The following SCFD2 variants were observed in gnomAD, a reference collection of about 807,000 sequenced individuals.
SCFD2 encodes the protein sec1 family domain-containing protein 2.
SCFD2 carries 54 observed loss-of-function variants against 58.9 expected under a neutral mutation model. The ratio of observed to expected loss-of-function variants is 0.92; its 90% CI spans 0.74 to 1.15. The LOEUF (loss-of-function observed/expected upper bound fraction) is 1.15. Among genes scored for constraint, SCFD2 ranks in the 50% most tolerant of loss-of-function variants. SCFD2 has a pLI of 0.00. For missense variants in SCFD2, 805 were observed against 836.6 expected, an observed-to-expected ratio of 0.96 and a Z score of 0.47; for synonymous variants, 321 against 335.9, an observed-to-expected ratio of 0.96 and a Z score of 0.49.
chr4:53,161,257 A>G (rs562800976), intron 4 of SCFD2, among the ~76,000 whole-genome samples: 1 of 152,182 alleles, frequency 6.6e-6, no homozygotes, highest in Non-Finnish European at 1.5e-5. Context: ...GTGAAAATTC[A>G]TTGAGCTGTA....
chr4:53,004,167 A>G (rs1721922021), intron 5 of SCFD2, among the ~76,000 whole-genome samples: 1 of 152,200 alleles, frequency 6.6e-6, no homozygotes, highest in African/African-American at 2.4e-5. Flanking sequence ...GAACATGCAC[A>G]CGATATGTGG....
At chr4:52,910,738 G>A (rs1378713324) in intron 6 of SCFD2, among the ~76,000 whole-genome samples, 1 of 152,156 alleles carries the variant, frequency 6.6e-6, no homozygotes, top group African/African-American at 2.4e-5. Context: ...TGCAGCAGGA[G>A]GGACCTGGTG....
intron 4 of SCFD2, among the ~76,000 whole-genome samples, chr4:53,238,644 C>G (rs972166065): frequency 2.7e-5 from 4 of 149,816 alleles, no homozygotes; most frequent in African/African-American, 7.4e-5. Flanking sequence ...GCTTCTCAGA[C>G]GGGGTGGCCG....
intron 2 of SCFD2, among the ~76,000 whole-genome samples, chr4:53,351,390 C>T (rs1734215963): frequency 1.3e-5 from 2 of 152,182 alleles, no homozygotes; most frequent in Admixed American, 6.5e-5. Flanking sequence ...ACTACATTAA[C>T]CTGATACTTG....
chr4:53,239,383 G>C (rs1411997052), intron 4 of SCFD2, among the ~76,000 whole-genome samples: 1 of 144,010 alleles, frequency 6.9e-6, no homozygotes, highest in Non-Finnish European at 1.5e-5. Flanking sequence ...GGGAGAGGGA[G>C]ACCGTGGGGA....
chr4:53,075,928 C>G (rs1723959359), intron 5 of SCFD2, among the ~76,000 whole-genome samples: 1 of 152,154 alleles, frequency 6.6e-6, no homozygotes, highest in African/African-American at 2.4e-5. Flanking sequence ...TTGCTAGACA[C>G]AGGGTTGCCA....
chr4:53,186,310 C>A (rs746386863), intron 4 of SCFD2, among the ~76,000 whole-genome samples: 2 of 151,986 alleles, frequency 1.3e-5, no homozygotes, highest in African/African-American at 4.8e-5. Context: ...GTATCTCTTA[C>A]GGGACTTACC....
At chr4:53,233,233 C>G (rs988849317) in intron 4 of SCFD2, among the ~76,000 whole-genome samples, 17 of 152,166 alleles carry the variant, frequency 1.1e-4, no homozygotes, top group Non-Finnish European at 2.4e-4. Context: ...AAAAAAAATC[C>G]TAGCACCACT....
At chr4:52,965,782 C>T (rs563816803) in intron 5 of SCFD2, among the ~76,000 whole-genome samples, 1 of 152,318 alleles carries the variant, frequency 6.6e-6, no homozygotes, top group South Asian at 2.1e-4. Flanking sequence ...ATAGAAGGAG[C>T]CTAGGAGCTC....
chr4:53,013,717 AG>A (rs1293454559), intron 5 of SCFD2, among the ~76,000 whole-genome samples: 1 of 152,224 alleles, frequency 6.6e-6, no homozygotes, highest in Non-Finnish European at 1.5e-5. Context: ...TGAGATCATT[AG>A]GCCCATCTCC....
chr4:52,913,174 G>C (rs1719525094), intron 6 of SCFD2, among the ~76,000 whole-genome samples: 1 of 152,060 alleles, frequency 6.6e-6, no homozygotes, highest in Non-Finnish European at 1.5e-5. Flanking sequence ...ATCATTCAGG[G>C]ACCCAGGTTC....
At position 53,289,828 on chromosome 4, in the gene SCFD2, A is replaced by G. The variant is rs1186590759; in HGVS notation, c.1136-15827T>C. ...AAGTAACAACAACAACAAAAAAAGC[A>G]GGGGTAGCTATACTTAGATAAAATA... On this transcript the variant is annotated intron_variant, in intron 3 of 8. Transcript: ENST00000401642. Among the ~76,000 whole-genome samples, 8 of 152,314 alleles carry G rather than the reference A, an allele frequency of 5.3e-5. No individual in the cohort carries two copies. The East Asian group carries it at 1.5e-3, about 29-fold the overall frequency.
At chr4:52,950,088 T>G (rs1331116443) in intron 5 of SCFD2, 3 of 152,188 alleles carry the variant, frequency 2.0e-5, no homozygotes, top group Non-Finnish European at 2.9e-5. Flanking sequence ...CTCAATTAAA[T>G]CTGAGGACAA....
At chr4:53,197,623 C>T (rs1728097253) in intron 4 of SCFD2, among the ~76,000 whole-genome samples, 1 of 151,528 alleles carries the variant, frequency 6.6e-6, no homozygotes, top group Admixed American at 6.6e-5. Context: ...CAATCTGATA[C>T]ATGCTGATTG....
At chr4:53,232,504 C>T (rs1404221823) in intron 4 of SCFD2, among the ~76,000 whole-genome samples, 8 of 152,134 alleles carry the variant, frequency 5.3e-5, no homozygotes, top group African/African-American at 1.7e-4. Flanking sequence ...CTGTTAAAAA[C>T]ATACAGTACA....
intron 4 of SCFD2, among the ~76,000 whole-genome samples, chr4:53,157,779 G>T (rs905269141): frequency 1.3e-5 from 2 of 152,058 alleles, no homozygotes; most frequent in African/African-American, 4.8e-5. Context: ...ATCCTAAAAA[G>T]AAAGCTCATT....
intron 5 of SCFD2, among the ~76,000 whole-genome samples, chr4:53,142,784 A>G (rs537134168): frequency 3.3e-5 from 5 of 152,350 alleles, no homozygotes; most frequent in Admixed American, 2.0e-4. Flanking sequence ...AGGTATGTCT[A>G]TACTGGCCAA....
chr4:53,229,338 G>T (rs1352408149), intron 4 of SCFD2, among the ~76,000 whole-genome samples: 3 of 152,166 alleles, frequency 2.0e-5, no homozygotes, highest in Admixed American at 2.0e-4. Context: ...AAAGAACAAA[G>T]CTGGAGGCAT....
chr4:53,098,794 C>G (rs989174345), intron 5 of SCFD2, among the ~76,000 whole-genome samples: 1 of 152,106 alleles, frequency 6.6e-6, no homozygotes, highest in Admixed American at 6.6e-5. Flanking sequence ...TATATGATTA[C>G]TCACACACAC....
Sources: gnomAD v4.1 joint callset for allele counts (sites outside exome capture counted in the v4.1 genomes callset) on GRCh38, gnomAD v4.1.1 for gene constraint, MANE v1.5 for transcripts, NCBI Gene and HGNC (gene_info 2026-07-23, HGNC 2026-07-21) for gene names.